PEX5L: variants seen among roughly 807,000 people sequenced by gnomAD.
PEX5L encodes peroxisomal biogenesis factor 5 like, also known as PEX5-related protein.
Under a neutral mutation model 84.0 loss-of-function variants are expected in PEX5L, and 30 were observed. That is an observed-to-expected ratio of 0.36 (90% confidence interval 0.27 to 0.48). The LOEUF (loss-of-function observed/expected upper bound fraction) is 0.48. Among genes scored for constraint, PEX5L ranks in the 20% least tolerant of loss-of-function variants. PEX5L has a pLI of 0.99. For missense variants in PEX5L, 533 were observed against 754.6 expected (o/e 0.71, Z 3.44); for synonymous variants, 270 against 283.1 (o/e 0.95, Z 0.46).
chr3:179,988,132 G>A (rs1483164076), intron 1 of PEX5L, among the ~76,000 whole-genome samples: 7 of 152,142 alleles, frequency 4.6e-5, no homozygotes, highest in Admixed American at 6.5e-5. Flanking sequence ...GGGCATGGTG[G>A]CTCACGCCTG....
At chr3:179,940,411 C>T (rs62293071) in intron 2 of PEX5L, among the ~76,000 whole-genome samples, 4 of 151,900 alleles carry the variant, frequency 2.6e-5, no homozygotes, top group South Asian at 2.1e-4. Flanking sequence ...GATGTGGAGA[C>T]GTTTAATGAG....
At chr3:179,828,937 A>T (rs1161658531) in intron 8 of PEX5L, among the ~76,000 whole-genome samples, 1 of 152,188 alleles carries the variant, frequency 6.6e-6, no homozygotes, top group Non-Finnish European at 1.5e-5. Context: ...TGTTGCTGTT[A>T]TTATTCTAGA....
rs573092562 is a variant in PEX5L at position 179,905,417 on chromosome 3, C to T, written c.94-7171G>A. Among the ~76,000 whole-genome samples, 98 of 152,120 alleles carry T rather than the reference C, an allele frequency of 6.4e-4. 1 individual carries two copies. The highest frequency in any genetic ancestry group is 1.2e-3 in the South Asian group (6 of 4,812). On this transcript the variant is annotated intron_variant, in intron 2 of 14. Coordinates refer to ENST00000467460, the MANE Select transcript of PEX5L (RefSeq NM_016559.3). ...TCTCCCGAGTAGCTGGAACTACAGG[C>T]GCCCGCCACCACGCCCGGCTAATTT...
chr3:180,020,281 T>C (rs966654671), intron 1 of PEX5L, among the ~76,000 whole-genome samples: 4 of 152,032 alleles, frequency 2.6e-5, no homozygotes, highest in African/African-American at 9.7e-5. Flanking sequence ...TAGAACTAAG[T>C]AGAAAAAGTA....
At chr3:179,834,100 A>C (rs900773599) in intron 8 of PEX5L, among the ~76,000 whole-genome samples, 2 of 152,148 alleles carry the variant, frequency 1.3e-5, no homozygotes, top group Admixed American at 6.5e-5. Context: ...TTGGCTTCCC[A>C]AAGTGTTAGG....
chr3:179,966,161 G>A (rs1207802210), intron 2 of PEX5L, among the ~76,000 whole-genome samples: 1 of 152,188 alleles, frequency 6.6e-6, no homozygotes, highest in Non-Finnish European at 1.5e-5. Context: ...TGCTGTGAGT[G>A]TAATTAAGGC....
At chr3:180,013,569 C>A (rs1292251071) in intron 1 of PEX5L, among the ~76,000 whole-genome samples, 1 of 152,076 alleles carries the variant, frequency 6.6e-6, no homozygotes, top group African/African-American at 2.4e-5. Context: ...CTGGTGTCTT[C>A]AACTATGGCT....
intron 1 of PEX5L, among the ~76,000 whole-genome samples, chr3:179,986,352 C>T (rs1786815872): frequency 6.7e-6 from 1 of 150,164 alleles, no homozygotes; most frequent in African/African-American, 2.5e-5. Context: ...TTTGTATTTT[C>T]CTTGGTTTCC....
intron 1 of PEX5L, among the ~76,000 whole-genome samples, chr3:180,034,558 G>A (rs899277848): frequency 2.0e-5 from 3 of 152,060 alleles, no homozygotes; most frequent in Admixed American, 1.3e-4. Flanking sequence ...TCTGTCATAG[G>A]TATTTTTTTG....
At chr3:179,877,403 A>C (rs578145416) in intron 5 of PEX5L, among the ~76,000 whole-genome samples, 6 of 152,238 alleles carry the variant, frequency 3.9e-5, no homozygotes, top group Admixed American at 6.5e-5. Context: ...TTTTCTCAGA[A>C]GCAGAGAAAT....
chr3:180,020,799 G>C (rs970152968), intron 1 of PEX5L, among the ~76,000 whole-genome samples: 19 of 152,178 alleles, frequency 1.2e-4, no homozygotes, highest in African/African-American at 2.7e-4. Flanking sequence ...AAAGATGCTA[G>C]ATAAAATGCT....
intron 1 of PEX5L, among the ~76,000 whole-genome samples, chr3:179,975,866 G>C (rs948938067): frequency 6.6e-6 from 1 of 152,194 alleles, no homozygotes; most frequent in Non-Finnish European, 1.5e-5. Flanking sequence ...TCAATGAGGA[G>C]AAGGGTTGAA....
intron 2 of PEX5L, among the ~76,000 whole-genome samples, chr3:179,954,150 G>A (rs939633805): frequency 1.4e-5 from 2 of 144,652 alleles, no homozygotes; most frequent in Non-Finnish European, 3.0e-5. Flanking sequence ...ACCTGCCTTG[G>A]ATACATTTAC....
chr3:179,870,233 T>C (rs1749811233), intron 7 of PEX5L, among the ~76,000 whole-genome samples: 1 of 152,200 alleles, frequency 6.6e-6, no homozygotes, highest in Admixed American at 6.5e-5. Context: ...GACATTCAAA[T>C]CATAAGGCTT....
At chr3:180,027,525 C>A (rs1033257217) in intron 1 of PEX5L, among the ~76,000 whole-genome samples, 9 of 152,254 alleles carry the variant, frequency 5.9e-5, no homozygotes, top group African/African-American at 1.9e-4. Context: ...CATGCATACA[C>A]ATAAGATTAT....
At chr3:179,880,376 A>T (rs1753800728) in intron 4 of PEX5L, among the ~76,000 whole-genome samples, 1 of 152,214 alleles carries the variant, frequency 6.6e-6, no homozygotes, top group Non-Finnish European at 1.5e-5. Context: ...GCTTTGAATG[A>T]AATTAAAATG....
At chr3:179,847,280 A>G (rs1214881021) in intron 8 of PEX5L, among the ~76,000 whole-genome samples, 2 of 152,114 alleles carry the variant, frequency 1.3e-5, no homozygotes, top group Non-Finnish European at 2.9e-5. Flanking sequence ...ATTGATATAT[A>G]GATATCTGTA....
chr3:180,035,899 T>A (rs1310379351), intron 1 of PEX5L, among the ~76,000 whole-genome samples: 4 of 152,176 alleles, frequency 2.6e-5, no homozygotes, highest in Non-Finnish European at 4.4e-5. Flanking sequence ...AAGGTTAAAG[T>A]AATCTTGCCC....
intron 2 of PEX5L, among the ~76,000 whole-genome samples, chr3:179,912,928 A>T (rs886756866): frequency 3.9e-5 from 6 of 152,166 alleles, no homozygotes; most frequent in African/African-American, 1.4e-4. Context: ...CCATTAAGGA[A>T]AGATAAGTGG....
Sources: gnomAD v4.1 joint callset for allele counts (sites outside exome capture counted in the v4.1 genomes callset) on GRCh38, gnomAD v4.1.1 for gene constraint, MANE v1.5 for transcripts, NCBI Gene and HGNC (gene_info 2026-07-23, HGNC 2026-07-21) for gene names.